KAZN: variants seen among roughly 807,000 people sequenced by gnomAD.
The protein encoded by KAZN is kazrin.
In KAZN, 40 loss-of-function variants were observed where a neutral mutation model predicts 87.4. The observed-to-expected ratio is 0.46, with a 90% CI of 0.36 to 0.60. KAZN has a LOEUF of 0.60. KAZN is among the 20% of genes least tolerant of loss of function. The pLI, the probability that KAZN is intolerant of heterozygous loss-of-function variation, is 0.00. For synonymous variants in KAZN, 466 were observed against 458.3 expected (o/e 1.02, Z -0.22); for missense variants, 898 against 1,073.9 (o/e 0.84, Z 2.29).
At chr1:14,362,128 G>A (rs533911624) in intron 2 of KAZN, among the ~76,000 whole-genome samples, 6 of 152,160 alleles carry the variant, frequency 3.9e-5, no homozygotes, top group South Asian at 2.1e-4. Context: ...TTATTCCACC[G>A]TCTCTGTGGG....
chr1:14,944,737 T>A (rs949771205), intron 1 of KAZN, among the ~76,000 whole-genome samples: 1 of 152,222 alleles, frequency 6.6e-6, no homozygotes, highest in Non-Finnish European at 1.5e-5. Context: ...ACCATTGTAA[T>A]CTTCCCAGGC....
intron 2 of KAZN, among the ~76,000 whole-genome samples, chr1:14,378,328 G>A (rs1235965658): frequency 6.6e-6 from 1 of 152,192 alleles, no homozygotes; most frequent in Admixed American, 6.5e-5. Flanking sequence ...TAAACGGGAG[G>A]AGGAGCAGAG....
chr1:14,723,761 A>G (rs1643241232), intron 1 of KAZN, among the ~76,000 whole-genome samples: 1 of 152,110 alleles, frequency 6.6e-6, no homozygotes, highest in Non-Finnish European at 1.5e-5. Flanking sequence ...CTGATCCCAA[A>G]AGCTAGTTTT....
intron 1 of KAZN, among the ~76,000 whole-genome samples, chr1:13,953,232 G>A (rs1231068681): frequency 6.6e-6 from 1 of 152,196 alleles, no homozygotes; most frequent in Non-Finnish European, 1.5e-5. Flanking sequence ...ACTCAGGGAG[G>A]AGTTAGGCTA....
intron 2 of KAZN, among the ~76,000 whole-genome samples, chr1:14,290,853 A>G (rs1653629145): frequency 6.6e-6 from 1 of 152,074 alleles, no homozygotes; most frequent in Non-Finnish European, 1.5e-5. Flanking sequence ...TGAACTACAG[A>G]TTGGGTTTTG....
At chr1:15,050,060 GT>G (rs1674148877) in intron 4 of KAZN, among the ~76,000 whole-genome samples, 1 of 76,488 alleles carries the variant, frequency 1.3e-5, no homozygotes, top group Non-Finnish European at 2.4e-5. Flanking sequence ...GTAGGGTAGG[GT>G]AGGGTAGAGT....
intron 2 of KAZN, among the ~76,000 whole-genome samples, chr1:14,415,504 G>T (rs908352408): frequency 6.6e-6 from 1 of 152,134 alleles, no homozygotes; most frequent in African/African-American, 2.4e-5. Flanking sequence ...TCATGACTGG[G>T]CTGAGGGTTC....
chr1:14,145,508 T>C (rs1035857880), intron 1 of KAZN, among the ~76,000 whole-genome samples: 1 of 152,110 alleles, frequency 6.6e-6, no homozygotes, highest in African/African-American at 2.4e-5. Context: ...TTATTTTTAC[T>C]TTTCCCATAA....
At chr1:14,507,921 C>T (rs953140608) in intron 2 of KAZN, among the ~76,000 whole-genome samples, 2 of 151,626 alleles carry the variant, frequency 1.3e-5, no homozygotes, top group African/African-American at 4.8e-5. Context: ...GAGTCGAGAT[C>T]GCGCCACTGC....
At chr1:13,993,205 G>A (rs2101116275) in intron 1 of KAZN, among the ~76,000 whole-genome samples, 1 of 152,320 alleles carries the variant, frequency 6.6e-6, no homozygotes, top group Admixed American at 6.5e-5. Context: ...ATCAGCCTGG[G>A]TCTCACAGTG....
intron 1 of KAZN, among the ~76,000 whole-genome samples, chr1:14,070,505 G>T (rs76199278): frequency 6.6e-6 from 1 of 152,130 alleles, no homozygotes; most frequent in Admixed American, 6.5e-5. Context: ...TAGGAAAGAC[G>T]TTTGGATTTA....
At chr1:14,718,778 A>G (rs187655568) in intron 1 of KAZN, among the ~76,000 whole-genome samples, 1 of 152,300 alleles carries the variant, frequency 6.6e-6, no homozygotes, top group African/African-American at 2.4e-5. Flanking sequence ...TAACTCCTAA[A>G]CTACTGAATC....
At chr1:14,929,851 C>G in intron 1 of KAZN, 1 of 985,470 alleles carries the variant, frequency 1.0e-6, no homozygotes, top group Non-Finnish European at 1.2e-6. Context: ...ACCTCTGTCT[C>G]CCTTGTGGCG....
intron 1 of KAZN, among the ~76,000 whole-genome samples, chr1:14,939,394 C>T (rs1017723692): frequency 2.6e-5 from 4 of 151,986 alleles, no homozygotes; most frequent in African/African-American, 7.3e-5. Context: ...CTCAGCCTCC[C>T]GAGTAGCTAG....
intron 1 of KAZN, among the ~76,000 whole-genome samples, chr1:13,992,557 A>T (rs1263606023): frequency 6.6e-6 from 1 of 152,170 alleles, no homozygotes; most frequent in Non-Finnish European, 1.5e-5. Flanking sequence ...TGTTAGCCAA[A>T]CCAGCTTGAC....
chr1:14,063,965 C>T (rs1214253378), intron 1 of KAZN, among the ~76,000 whole-genome samples: 4 of 152,080 alleles, frequency 2.6e-5, no homozygotes, highest in East Asian at 1.9e-4. Flanking sequence ...CGCCCAGGCT[C>T]GAGTGCAATG....
chr1:14,154,997 T>TTCCTTCCTTCCTTCCTTCCTTCCTTCC (rs1570891584), intron 1 of KAZN, among the ~76,000 whole-genome samples: 1 of 65,794 alleles, frequency 1.5e-5, no homozygotes, highest in African/African-American at 1.5e-4. Flanking sequence ...TTCCTTCCTT[T>TTCCTTCCTTCCTTCCTTCCTTCCTTCC]TTCTGATGTG....
At chr1:14,968,911 G>A (rs141890891) in intron 2 of KAZN, among the ~76,000 whole-genome samples, 6 of 152,316 alleles carry the variant, frequency 3.9e-5, no homozygotes, top group African/African-American at 9.6e-5. Flanking sequence ...TGAAACCTAC[G>A]ACACACTCAG....
chr1:14,511,795 A>T (rs893093853), intron 2 of KAZN, among the ~76,000 whole-genome samples: 7 of 152,196 alleles, frequency 4.6e-5, no homozygotes, highest in South Asian at 2.1e-4. Context: ...GGAAATGGAA[A>T]CCAGCAGCTT....
Sources: gnomAD v4.1 joint callset for allele counts (sites outside exome capture counted in the v4.1 genomes callset) on GRCh38, gnomAD v4.1.1 for gene constraint, MANE v1.5 for transcripts, NCBI Gene and HGNC (gene_info 2026-07-23, HGNC 2026-07-21) for gene names.